Variants in LUZP2 observed in about 807,000 individuals in gnomAD.
LUZP2 encodes the protein leucine zipper protein 2.
Under a neutral mutation model 51.6 loss-of-function variants are expected in LUZP2, and 52 were observed. The ratio of observed to expected loss-of-function variants is 1.01; its 90% CI spans 0.81 to 1.27. LUZP2 has a LOEUF of 1.27. Among genes scored for constraint, LUZP2 ranks in the 50% most tolerant of loss-of-function variants. The probability of loss-of-function intolerance (pLI) is 0.00; values close to 1 mark genes in which losing one functional copy is unlikely to be tolerated. For missense variants in LUZP2, 436 were observed against 395.4 expected, an observed-to-expected ratio of 1.10 and a Z score of -0.87; for synonymous variants, 154 against 137.3, an observed-to-expected ratio of 1.12 and a Z score of -0.85.
intron 10 of LUZP2, among the ~76,000 whole-genome samples, chr11:25,065,118 G>A (rs1446162): frequency 0.36 from 55,135 of 151,832 alleles, 12,409 homozygotes; most frequent in East Asian, 0.78. Flanking sequence ...ACCAAAATAT[G>A]CATCTTAAAC....
At chr11:24,665,273 A>G (rs1856175803) in intron 1 of LUZP2, among the ~76,000 whole-genome samples, 1 of 152,152 alleles carries the variant, frequency 6.6e-6, no homozygotes, top group Admixed American at 6.5e-5. Flanking sequence ...CCAATTTGGA[A>G]TGGGTGTATT....
At chr11:24,579,471 C>G (rs1170815239) in intron 1 of LUZP2, among the ~76,000 whole-genome samples, 1 of 152,046 alleles carries the variant, frequency 6.6e-6, no homozygotes, top group Non-Finnish European at 1.5e-5. Context: ...AGCATAGAAG[C>G]CCACCTCTGC....
chr11:25,007,532 G>A (rs1170877356), intron 9 of LUZP2, among the ~76,000 whole-genome samples: 4 of 152,134 alleles, frequency 2.6e-5, no homozygotes, highest in African/African-American at 9.7e-5. Flanking sequence ...GAACCTGGGA[G>A]GTAAAGGTTG....
chr11:24,648,981 T>A (rs187591231), intron 1 of LUZP2, among the ~76,000 whole-genome samples: 28 of 152,156 alleles, frequency 1.8e-4, no homozygotes, highest in African/African-American at 5.8e-4. Context: ...ATTTCCTTTT[T>A]CCAATAAGGG....
At chr11:24,799,221 C>T (rs949234724) in intron 5 of LUZP2, among the ~76,000 whole-genome samples, 1 of 152,294 alleles carries the variant, frequency 6.6e-6, no homozygotes, top group South Asian at 2.1e-4. Context: ...AGGATTCCCA[C>T]AGGTAGGAAA....
intron 1 of LUZP2, among the ~76,000 whole-genome samples, chr11:24,503,580 C>G (rs918930860): frequency 3.3e-5 from 5 of 152,182 alleles, no homozygotes; most frequent in Non-Finnish European, 7.3e-5. Flanking sequence ...GTTTTAATCT[C>G]TTTAAGTGTA....
At chr11:24,965,618 G>A (rs1425348155) in intron 7 of LUZP2, among the ~76,000 whole-genome samples, 1 of 151,730 alleles carries the variant, frequency 6.6e-6, no homozygotes, top group Non-Finnish European at 1.5e-5. Context: ...TGTCTGTCTA[G>A]TCATTAAAAT....
chr11:24,745,655 TTTG>T (rs962548160), intron 4 of LUZP2, among the ~76,000 whole-genome samples: 3 of 152,032 alleles, frequency 2.0e-5, no homozygotes, highest in Non-Finnish European at 4.4e-5. Context: ...TGGCAAGCTT[TTTG>T]TTGTTGTTGT....
chr11:24,745,840 G>A (rs1386429105), intron 4 of LUZP2, among the ~76,000 whole-genome samples: 7 of 152,004 alleles, frequency 4.6e-5, no homozygotes, highest in Non-Finnish European at 7.4e-5. Flanking sequence ...ACCACACCCG[G>A]CTAATTTTTG....
At chr11:24,688,019 TTC>T (rs144526942) in intron 1 of LUZP2, among the ~76,000 whole-genome samples, 22 of 150,252 alleles carry the variant, frequency 1.5e-4, no homozygotes, top group Non-Finnish European at 2.4e-4. Flanking sequence ...CTGTCTCTCT[TTC>T]TCTCTCTCTC....
At chr11:24,986,298 T>G (rs1856184816) in intron 9 of LUZP2, among the ~76,000 whole-genome samples, 1 of 151,720 alleles carries the variant, frequency 6.6e-6, no homozygotes, top group African/African-American at 2.4e-5. Context: ...CCAATGGCAA[T>G]GTGGTAAATA....
chr11:24,890,429 T>C (rs1008467240), intron 5 of LUZP2, among the ~76,000 whole-genome samples: 2 of 152,210 alleles, frequency 1.3e-5, no homozygotes, highest in Non-Finnish European at 2.9e-5. Context: ...TATTCAGCTA[T>C]GCAGATGCAA....
At chr11:24,892,095 G>A (rs1262127770) in intron 5 of LUZP2, 1 of 985,460 alleles carries the variant, frequency 1.0e-6, no homozygotes, top group African/African-American at 1.7e-5. Flanking sequence ...GGTCACTCGT[G>A]ACTTACTAGT....
At chr11:25,002,183 G>A (rs149750315) in intron 9 of LUZP2, among the ~76,000 whole-genome samples, 3 of 152,146 alleles carry the variant, frequency 2.0e-5, no homozygotes, top group Non-Finnish European at 4.4e-5. Flanking sequence ...TGCTAACTGG[G>A]TGCTGGTCCC....
chr11:24,878,173 A>G, intron 5 of LUZP2, among the ~76,000 whole-genome samples: 1 of 150,098 alleles, frequency 6.7e-6, no homozygotes, highest in East Asian at 2.0e-4. Context: ...TTGTACATTA[A>G]TGCCCTTTTC....
chr11:24,621,111 C>T (rs1854479111), intron 1 of LUZP2, among the ~76,000 whole-genome samples: 1 of 152,214 alleles, frequency 6.6e-6, no homozygotes, highest in African/African-American at 2.4e-5. Context: ...TAAATTTTAT[C>T]ATCCTTAGAG....
chr11:24,630,285 T>A (rs1854833928), intron 1 of LUZP2, among the ~76,000 whole-genome samples: 1 of 152,056 alleles, frequency 6.6e-6, no homozygotes, highest in Admixed American at 6.6e-5. Flanking sequence ...TCCAGAAAAG[T>A]TGTTCCTATG....
At chr11:24,967,916 G>A (rs1855634469) in intron 7 of LUZP2, among the ~76,000 whole-genome samples, 1 of 152,108 alleles carries the variant, frequency 6.6e-6, no homozygotes, top group Admixed American at 6.6e-5. Flanking sequence ...AATAACTGGT[G>A]AGATTTTATG....
rs949293148 is a variant in LUZP2, at chr11:24,711,454, TAAATAA to T, written c.63-17713_63-17708del. Among the ~76,000 whole-genome samples the T allele has an allele frequency of 2.2e-4, 10 of 45,172 alleles. 1 individual carries two copies. The highest frequency in any genetic ancestry group is 5.2e-4 in the African/African-American group (9 of 17,262). The allele number at this position is 45,172 out of a possible 152,430, so 29.6% of individuals were successfully genotyped here. ...GACAGAGCGAGACTCCATCTCAAAA[TAAATAA>T]ATAAATAAATAAATAAATAAATAAA... On this transcript the variant is annotated intron_variant, in intron 1 of 11. Coordinates refer to ENST00000336930, the MANE Select transcript of LUZP2 (RefSeq NM_001009909.4).
Sources: allele counts gnomAD v4.1 joint callset (sites outside exome capture counted in the v4.1 genomes callset), GRCh38; gene constraint gnomAD v4.1.1; transcripts MANE v1.5; gene names NCBI Gene and HGNC (gene_info 2026-07-23, HGNC 2026-07-21).